The following DLGAP2 variants were observed in gnomAD, a reference collection of about 807,000 sequenced individuals.
DLGAP2 encodes the protein DLG associated protein 2.
DLGAP2 carries 26 observed loss-of-function variants against 100.3 expected under a neutral mutation model. The ratio of observed to expected loss-of-function variants is 0.26; its 90% confidence interval spans 0.19 to 0.36. The LOEUF (loss-of-function observed/expected upper bound fraction) is 0.36, where lower values mean the gene tolerates loss of function less well. Ranked by LOEUF, DLGAP2 falls within the 10% of genes least tolerant of loss-of-function variation. The pLI, the probability that DLGAP2 is intolerant of heterozygous loss-of-function variation, is 1.00. For synonymous variants in DLGAP2, 886 were observed against 630.1 expected, an observed-to-expected ratio of 1.41 and a Z score of -6.08; for missense variants, 1,858 against 1,453.2, an observed-to-expected ratio of 1.28 and a Z score of -4.53.
At chr8:1,194,834 G>A (rs1797714899) in intron 2 of DLGAP2, among the ~76,000 whole-genome samples, 2 of 152,194 alleles carry the variant, frequency 1.3e-5, no homozygotes, top group South Asian at 4.1e-4. Context: ...TGTGACGTGT[G>A]TGGCCAGGGT....
chr8:829,444 C>T (rs1025103199), intron 1 of DLGAP2, among the ~76,000 whole-genome samples: 1 of 152,094 alleles, frequency 6.6e-6, no homozygotes, highest in African/African-American at 2.4e-5. Context: ...ATGATGAATA[C>T]CCATCGTGTT....
At chr8:1,326,258 G>A (rs1397190366) in intron 3 of DLGAP2, among the ~76,000 whole-genome samples, 4 of 152,208 alleles carry the variant, frequency 2.6e-5, no homozygotes, top group African/African-American at 9.6e-5. Flanking sequence ...TAACTTGTAT[G>A]CAGAATCAGT....
chr8:1,345,056 C>T (rs1388541453), intron 3 of DLGAP2, among the ~76,000 whole-genome samples: 1 of 152,170 alleles, frequency 6.6e-6, no homozygotes, highest in African/African-American at 2.4e-5. Context: ...TTTGAAAGCT[C>T]AGTTATCTGG....
At chr8:752,117 G>A (rs1179843347) in intron 1 of DLGAP2, among the ~76,000 whole-genome samples, 1 of 152,220 alleles carries the variant, frequency 6.6e-6, no homozygotes, top group African/African-American at 2.4e-5. Context: ...CCGCTTCGAG[G>A]TGAGGGTGCT....
intron 2 of DLGAP2, among the ~76,000 whole-genome samples, chr8:1,042,485 G>C (rs926040622): frequency 6.6e-6 from 1 of 152,212 alleles, no homozygotes; most frequent in Non-Finnish European, 1.5e-5. Context: ...GCCTGCAGTC[G>C]TGTTCTGCCT....
At position 1,293,147 on chromosome 8, in the gene DLGAP2, C is replaced by G. The variant is rs148753377; in HGVS notation, c.106+34264C>G. ...TCCTTGTGTGTCTGAAAATCCCTCC[C>G]TGTCTCCCCCTCTCTCTCTGTCTCT... On this transcript the variant is annotated intron_variant, in intron 3 of 14. Coordinates refer to ENST00000637795, the MANE Select transcript of DLGAP2 (RefSeq NM_001346810.2). Among the ~76,000 whole-genome samples, 1,092 of 152,318 alleles carry G rather than the reference C, an allele frequency of 7.2e-3. 54 individuals carry two copies. Among genetic ancestry groups the G allele is most frequent in the Admixed American group, 0.065 (991 of 15,304 alleles).
At chr8:1,331,972 C>G (rs1447322755) in intron 3 of DLGAP2, among the ~76,000 whole-genome samples, 2 of 152,094 alleles carry the variant, frequency 1.3e-5, no homozygotes, top group African/African-American at 4.8e-5. Flanking sequence ...TGCCAACCCC[C>G]TGAACAGCCC....
intron 2 of DLGAP2, among the ~76,000 whole-genome samples, chr8:1,143,034 T>C (rs1431397667): frequency 6.6e-6 from 1 of 152,158 alleles, no homozygotes; most frequent in East Asian, 1.9e-4. Flanking sequence ...CAGGACAGCA[T>C]CCCCTCTGCA....
intron 3 of DLGAP2, among the ~76,000 whole-genome samples, chr8:1,294,522 G>C (rs1282425683): frequency 1.3e-5 from 2 of 152,154 alleles, no homozygotes; most frequent in South Asian, 2.1e-4. Flanking sequence ...TCTCTCCTGC[G>C]ATTTTGTGAG....
intron 2 of DLGAP2, among the ~76,000 whole-genome samples, chr8:1,191,465 C>T (rs765683164): frequency 4.6e-5 from 7 of 152,202 alleles, no homozygotes; most frequent in South Asian, 2.1e-4. Context: ...CCACCGCGCC[C>T]AGCCGATACG....
In DLGAP2 at chr8:1,346,337, C is replaced by T. The variant is rs867071260; in HGVS notation, c.106+87454C>T. The stretch of plus-strand genomic sequence containing the variant: ...TGTGTGGAGGTTGCGTTCCCATACA[C>T]ATCTGCATTGCTCTCATGGCGGCTG... On this transcript the variant is annotated intron_variant, in intron 3 of 14. Coordinates refer to ENST00000637795, the MANE Select transcript of DLGAP2 (RefSeq NM_001346810.2). Among the ~76,000 whole-genome samples the T allele has an allele frequency of 9.3e-5, 13 of 139,884 alleles. No homozygotes were observed. In the South Asian group the frequency reaches 1.2e-3, roughly 13 times the overall value. The allele number at this position is 139,884 out of a possible 152,430, so 91.8% of individuals were successfully genotyped here.
Position 1,073,561 on chromosome 8 carries a change from T to C in DLGAP2, c.73+165595T>C, listed in dbSNP as rs566152426. ...ATGCGTTCTCTTACTTTTCCAAAGA[T>C]GGTTTTTGTTTTCTTAGAAGCACTG... is the stretch of plus-strand genomic sequence containing the variant. On this transcript the variant is annotated intron_variant, in intron 2 of 14. Coordinates refer to ENST00000637795, the MANE Select transcript of DLGAP2 (RefSeq NM_001346810.2). Among the ~76,000 whole-genome samples the C allele has an allele frequency of 2.0e-5, 3 of 152,300 alleles. No homozygotes were observed. The South Asian group carries it at 6.2e-4, about 32-fold the overall frequency.
intron 2 of DLGAP2, among the ~76,000 whole-genome samples, chr8:1,019,862 AAGTC>A (rs1374719368): frequency 6.6e-6 from 1 of 152,140 alleles, no homozygotes; most frequent in Non-Finnish European, 1.5e-5. Context: ...TGCAGGGACA[AAGTC>A]AGGCAGCAGT....
At chr8:1,053,268 G>A (rs755163110) in intron 2 of DLGAP2, among the ~76,000 whole-genome samples, 3 of 152,144 alleles carry the variant, frequency 2.0e-5, no homozygotes, top group African/African-American at 2.4e-5. Flanking sequence ...ATTATTTAAT[G>A]CTATCAGACC....
chr8:1,479,528 T>C (rs1799031271), intron 3 of DLGAP2, among the ~76,000 whole-genome samples: 1 of 152,208 alleles, frequency 6.6e-6, no homozygotes, highest in African/African-American at 2.4e-5. Context: ...AAGTGGTGTT[T>C]ACTTGATGGA....
At chr8:946,420 C>T (rs894347710) in intron 2 of DLGAP2, among the ~76,000 whole-genome samples, 3 of 152,194 alleles carry the variant, frequency 2.0e-5, no homozygotes, top group South Asian at 2.1e-4. Flanking sequence ...CCCGCCACCA[C>T]GCCCGGCTAA....
intron 3 of DLGAP2, among the ~76,000 whole-genome samples, chr8:1,364,722 G>A (rs1802069886): frequency 6.6e-6 from 1 of 152,214 alleles, no homozygotes; most frequent in Non-Finnish European, 1.5e-5. Flanking sequence ...GGGGGAGACA[G>A]GCCCGAACTC....
intron 2 of DLGAP2, among the ~76,000 whole-genome samples, chr8:1,037,902 C>G (rs745748482): frequency 2.0e-5 from 3 of 152,112 alleles, no homozygotes; most frequent in East Asian, 1.9e-4. Context: ...GGTGTGAGCC[C>G]GAGAATTTGT....
intron 2 of DLGAP2, among the ~76,000 whole-genome samples, chr8:916,547 A>G (rs1798597418): frequency 6.6e-6 from 1 of 152,202 alleles, no homozygotes; most frequent in Non-Finnish European, 1.5e-5. Context: ...TAGGAGAAAT[A>G]CCTAATGTAA....
Sources: allele counts gnomAD v4.1 joint callset (sites outside exome capture counted in the v4.1 genomes callset), GRCh38; gene constraint gnomAD v4.1.1; transcripts MANE v1.5; gene names NCBI Gene and HGNC (gene_info 2026-07-23, HGNC 2026-07-21).